SPRY3: variants seen among roughly 807,000 people sequenced by gnomAD.
SPRY3 encodes protein sprouty homolog 3.
Under a neutral mutation model 20.2 loss-of-function variants are expected in SPRY3, and 15 were observed. The ratio of observed to expected loss-of-function variants is 0.74; its 90% CI spans 0.50 to 1.14. The LOEUF (loss-of-function observed/expected upper bound fraction) is 1.14, where lower values mean the gene tolerates loss of function less well. Ranked by LOEUF, SPRY3 falls within the 50% of genes most tolerant of loss-of-function variation. The pLI, the probability that SPRY3 is intolerant of heterozygous loss-of-function variation, is 0.00. For synonymous variants in SPRY3, 143 were observed against 136.5 expected (o/e 1.05, Z -0.33); for missense variants, 364 against 363.9 (o/e 1.00, Z 0.00).
chrX:155,770,160 T>C (rs2091372189), intron 3 of SPRY3, among the ~76,000 whole-genome samples: 2 of 152,154 alleles, frequency 1.3e-5, no homozygotes, highest in African/African-American at 4.8e-5. Context: ...AGCCAGGATC[T>C]CCTCTTCCTC....
intron 2 of SPRY3, among the ~76,000 whole-genome samples, chrX:155,763,977 T>A (rs2091314549): frequency 6.6e-6 from 1 of 152,216 alleles, no homozygotes; most frequent in African/African-American, 2.4e-5. Flanking sequence ...CAGAGGTTTC[T>A]AAAACAGACT....
At chrX:155,636,499 C>T (rs1422726156) in intron 1 of SPRY3, among the ~76,000 whole-genome samples, 1 of 111,364 alleles carries the variant, frequency 9.0e-6, no homozygotes, top group Non-Finnish European at 1.9e-5. Flanking sequence ...ATATTAACTA[C>T]AACCCAAAAC....
rs191082183 is a variant in SPRY3 at position 155,728,852 on chromosome X, G to A, written c.-281-39110G>A. 4.6e-5 allele frequency among the ~76,000 whole-genome samples: 7 copies of A among 152,052 alleles called. No individual in the cohort carries two copies. The East Asian group carries it at 1.2e-3, about 25-fold the overall frequency. On this transcript the variant is annotated intron_variant, in intron 2 of 3. Transcript: ENST00000675360. ...CACTTCACCTTCAAACACACACATA[G>A]GTTAAAAATAAAGGAATGGAAAAGG... is the stretch of plus-strand genomic sequence containing the variant.
chrX:155,741,285 G>T (rs1185527317), intron 2 of SPRY3, among the ~76,000 whole-genome samples: 1 of 151,906 alleles, frequency 6.6e-6, no homozygotes, highest in Non-Finnish European at 1.5e-5. Flanking sequence ...AAATAAGACA[G>T]GTGGACAAGA....
intron 2 of SPRY3, among the ~76,000 whole-genome samples, chrX:155,764,951 A>G (rs1379959643): frequency 1.3e-5 from 2 of 152,198 alleles, no homozygotes; most frequent in Non-Finnish European, 2.9e-5. Flanking sequence ...AGGTGTTACC[A>G]GTGTCTGGGG....
At chrX:155,671,417 T>A (rs1289683441) in intron 2 of SPRY3, among the ~76,000 whole-genome samples, 1 of 110,487 alleles carries the variant, frequency 9.1e-6, no homozygotes, top group Non-Finnish European at 1.9e-5. Context: ...GGTATTTGGG[T>A]TTGGTGAGGA....
chrX:155,700,755 CT>C (rs1271177524), intron 2 of SPRY3, among the ~76,000 whole-genome samples: 1 of 54,967 alleles, frequency 1.8e-5, no homozygotes, highest in Non-Finnish European at 3.0e-5. Context: ...AATGCTATCC[CT>C]CCCCCCTCCC....
At chrX:155,769,719 C>T (rs1428193784) in intron 3 of SPRY3, among the ~76,000 whole-genome samples, 1 of 152,154 alleles carries the variant, frequency 6.6e-6, no homozygotes, top group Non-Finnish European at 1.5e-5. Flanking sequence ...TTGAAATAAA[C>T]TGCTATGAGT....
chrX:155,746,658 T>C (rs746850484), intron 2 of SPRY3, among the ~76,000 whole-genome samples: 1 of 152,094 alleles, frequency 6.6e-6, no homozygotes, highest in Admixed American at 6.6e-5. Flanking sequence ...TTGGTTGTGT[T>C]TGAGTCTTAA....
At chrX:155,718,802 G>A (rs2091037806) in intron 2 of SPRY3, among the ~76,000 whole-genome samples, 1 of 152,116 alleles carries the variant, frequency 6.6e-6, no homozygotes, top group South Asian at 2.1e-4. Context: ...AAGGCTTTCT[G>A]AAGCCAAACG....
intron 2 of SPRY3, among the ~76,000 whole-genome samples, chrX:155,745,034 A>G (rs976610753): frequency 1.3e-5 from 2 of 152,078 alleles, no homozygotes; most frequent in Non-Finnish European, 2.9e-5. Context: ...ACATAGAAGC[A>G]TCTTTCAATT....
intron 2 of SPRY3, among the ~76,000 whole-genome samples, chrX:155,721,140 A>G (rs749349331): frequency 3.3e-4 from 51 of 152,352 alleles, no homozygotes; most frequent in African/African-American, 1.2e-3. Context: ...TGAAAAATGC[A>G]GTAGGCATAC....
At chrX:155,721,078 CTT>C (rs1356915586) in intron 2 of SPRY3, among the ~76,000 whole-genome samples, 2 of 152,160 alleles carry the variant, frequency 1.3e-5, no homozygotes, top group Non-Finnish European at 2.9e-5. Context: ...ATCAGATAAA[CTT>C]AACACAGATA....
intron 2 of SPRY3, among the ~76,000 whole-genome samples, chrX:155,665,460 C>G (rs1294481023): frequency 9.0e-6 from 1 of 110,763 alleles, no homozygotes; most frequent in East Asian, 2.8e-4. Context: ...TACCCATCAT[C>G]AGAGAAATGA....
intron 2 of SPRY3, among the ~76,000 whole-genome samples, chrX:155,749,474 C>T (rs1186915351): frequency 6.6e-6 from 1 of 151,546 alleles, no homozygotes; most frequent in Non-Finnish European, 1.5e-5. Context: ...AACATTTGAG[C>T]TAGGAATCAA....
At chrX:155,774,181 A>C (rs1429475367) in exon 4 of SPRY3, 1 of 1,613,870 alleles carries the variant, frequency 6.2e-7, no homozygotes, top group African/African-American at 1.3e-5. Context: ...GGCCAGCATT[A>C]CACCCTCACC....
chrX:155,751,258 T>C (rs1445908605), intron 2 of SPRY3, among the ~76,000 whole-genome samples: 1 of 151,852 alleles, frequency 6.6e-6, no homozygotes, highest in African/African-American at 2.4e-5. Context: ...CCAGAAATAA[T>C]GTCCAGGACC....
At chrX:155,754,405 G>A (rs1490069234) in intron 2 of SPRY3, among the ~76,000 whole-genome samples, 1 of 151,960 alleles carries the variant, frequency 6.6e-6, no homozygotes, top group Non-Finnish European at 1.5e-5. Context: ...GATCATAAAC[G>A]TAAGGTTTTA....
exon 4 of SPRY3, chrX:155,775,249 C>G (rs1031377299): frequency 1.1e-5 from 2 of 177,132 alleles, no homozygotes; most frequent in African/African-American, 4.8e-5. Context: ...TTTCATTATT[C>G]TGTTCTGTAT....
Sources: allele counts gnomAD v4.1 joint callset (sites outside exome capture counted in the v4.1 genomes callset), GRCh38; gene constraint gnomAD v4.1.1; transcripts MANE v1.5; gene names NCBI Gene and HGNC (gene_info 2026-07-23, HGNC 2026-07-21).